The following SFMBT2 variants were observed in gnomAD, a reference collection of about 807,000 sequenced individuals.
SFMBT2 encodes the protein Scm like with four mbt domains 2, also known as scm-like with four MBT domains protein 2.
SFMBT2 carries 38 observed loss-of-function variants against 110.1 expected under a neutral mutation model. The ratio of observed to expected loss-of-function variants is 0.35; its 90% CI spans 0.27 to 0.45. SFMBT2 has a LOEUF of 0.45. Ranked by LOEUF, SFMBT2 falls within the 20% of genes least tolerant of loss-of-function variation. The pLI is 1.00. For missense variants in SFMBT2, 1,011 were observed against 1,094.9 expected (o/e 0.92, Z 1.08); for synonymous variants, 425 against 425.4 (o/e 1.00, Z 0.01).
chr10:7,170,868 G>A lies in SFMBT2; in HGVS notation c.2544+60C>T. ...ACGAGGAAGCCGGCTAGGACACGAG[G>A]TTCATTTCAGATGCAGAGTCTCAGC... On this transcript the variant is annotated intron_variant, in intron 20 of 20. Coordinates refer to ENST00000397167, the MANE Select transcript of SFMBT2 (RefSeq NM_001387889.1). The surrounding 1 kb of genome is among the most constrained non-coding windows in gnomAD (Gnocchi z 4.6). 1.2e-6 allele frequency: 2 copies of A among 1,607,620 alleles called. No individual in the cohort carries two copies. Among genetic ancestry groups the A allele is most frequent in the Non-Finnish European group, 1.7e-6 (2 of 1,175,052 alleles).
At chr10:7,166,844 G>T (rs992693232) in intron 20 of SFMBT2, among the ~76,000 whole-genome samples, 1 of 152,138 alleles carries the variant, frequency 6.6e-6, no homozygotes, top group Non-Finnish European at 1.5e-5. Context: ...AAATCATGAC[G>T]AGCCCAGAAA....
At chr10:7,373,489 C>G (rs1040978277) in intron 2 of SFMBT2, among the ~76,000 whole-genome samples, 1 of 152,306 alleles carries the variant, frequency 6.6e-6, no homozygotes, top group African/African-American at 2.4e-5. Context: ...TGTATACTCA[C>G]AGGGGCAATC....
At chr10:7,205,406 A>G (rs919201977) in intron 12 of SFMBT2, 171 of 985,188 alleles carry the variant, frequency 1.7e-4, no homozygotes, top group Non-Finnish European at 2.0e-4. Flanking sequence ...AAGTGTTTAT[A>G]AGAATGTCAG....
chr10:7,405,970 T>G lies in SFMBT2; in HGVS notation c.-52+4891A>C, dbSNP rs911540056. 1.3e-5 allele frequency among the ~76,000 whole-genome samples: 2 copies of G among 151,768 alleles called. 1 individual carries two copies. Among genetic ancestry groups the G allele is most frequent in the South Asian group, 4.2e-4 (2 of 4,798 alleles). On this transcript the variant is annotated intron_variant, in intron 1 of 20. Coordinates refer to ENST00000397167, the MANE Select transcript of SFMBT2 (RefSeq NM_001387889.1). ...AACTTTTTTTTTTTTTTAATTTGTA[T>G]GATGGGGGCAATAAGTTGCTGCTGA...
intron 4 of SFMBT2, among the ~76,000 whole-genome samples, chr10:7,287,823 C>CG (rs1264979761): frequency 6.6e-6 from 1 of 152,182 alleles, no homozygotes; most frequent in Non-Finnish European, 1.5e-5. Flanking sequence ...TGGGCCCCAA[C>CG]GGGGGATCCA....
At chr10:7,203,416 C>T (rs78696892) in intron 12 of SFMBT2, 2,824 of 199,498 alleles carry the variant, frequency 0.014, 87 homozygotes, top group African/African-American at 0.063. Context: ...TCTTTGTTAG[C>T]GGGGTGGGGA....
At chr10:7,378,020 G>C (rs1405041445) in intron 2 of SFMBT2, among the ~76,000 whole-genome samples, 1 of 151,318 alleles carries the variant, frequency 6.6e-6, no homozygotes, top group East Asian at 1.9e-4. Context: ...TATGTGAATG[G>C]GTGGGAGTGT....
At chr10:7,194,672 C>A (rs772442761) in intron 15 of SFMBT2, among the ~76,000 whole-genome samples, 1 of 152,198 alleles carries the variant, frequency 6.6e-6, no homozygotes, top group African/African-American at 2.4e-5. Flanking sequence ...AGCTTGGTGG[C>A]ACTTACATTT....
chr10:7,372,399 A>G (rs1845087164), intron 2 of SFMBT2, among the ~76,000 whole-genome samples: 1 of 152,224 alleles, frequency 6.6e-6, no homozygotes, highest in Non-Finnish European at 1.5e-5. Flanking sequence ...TTTTGCTTCA[A>G]TAAAGTGACT....
intron 4 of SFMBT2, among the ~76,000 whole-genome samples, chr10:7,298,483 C>G (rs1399616106): frequency 6.6e-6 from 1 of 152,160 alleles, no homozygotes; most frequent in Non-Finnish European, 1.5e-5. Context: ...CTCAGTCTGA[C>G]CAGTTATTGC....
intron 7 of SFMBT2, among the ~76,000 whole-genome samples, chr10:7,257,317 C>A (rs909756459): frequency 4.6e-5 from 7 of 152,126 alleles, no homozygotes; most frequent in African/African-American, 1.7e-4. Flanking sequence ...GCACTCACTA[C>A]CCACGGTCAC....
At chr10:7,335,750 T>C in intron 4 of SFMBT2, among the ~76,000 whole-genome samples, 1 of 152,184 alleles carries the variant, frequency 6.6e-6, no homozygotes, top group East Asian at 1.9e-4. Flanking sequence ...AATAACACTT[T>C]CTGTATCTCA....
chr10:7,278,102 C>T (rs1841839507), intron 6 of SFMBT2, among the ~76,000 whole-genome samples: 1 of 152,246 alleles, frequency 6.6e-6, no homozygotes, highest in Non-Finnish European at 1.5e-5. Context: ...CACACATCCT[C>T]TGCGTGTGTG....
At chr10:7,164,060 C>T (rs757284662) in intron 20 of SFMBT2, 150 bp from the exon 21 acceptor site, 65 of 1,375,198 alleles carry the variant, frequency 4.7e-5, no homozygotes, top group Admixed American at 3.6e-4. Flanking sequence ...GATACCAGCC[C>T]GGCTTGATGA....
chr10:7,206,802 A>G, intron 11 of SFMBT2: 12 of 924,766 alleles, frequency 1.3e-5, no homozygotes, highest in Non-Finnish European at 1.5e-5. Flanking sequence ...TCGACACCAA[A>G]TCAATAGTTA....
intron 1 of SFMBT2, among the ~76,000 whole-genome samples, chr10:7,401,391 C>A (rs1378637329): frequency 6.6e-6 from 1 of 152,186 alleles, no homozygotes; most frequent in East Asian, 1.9e-4. Flanking sequence ...CAGGATTCAA[C>A]CCACAGCTTC....
At chr10:7,391,264 G>C (rs1845756661) in intron 1 of SFMBT2, among the ~76,000 whole-genome samples, 3 of 151,910 alleles carry the variant, frequency 2.0e-5, no homozygotes, top group Non-Finnish European at 4.4e-5. Context: ...TCAGGAGTTT[G>C]AGACCAGCCT....
chr10:7,367,709 C>T lies in SFMBT2; in HGVS notation c.376G>A (p.Ala126Thr), dbSNP rs1461542427. Residue 126 changes from alanine (A) to threonine (T), a missense_variant, in exon 4 of 21, where the codon GCG (alanine) becomes ACG (threonine). Physicochemically the swap from Ala to Thr is moderately conservative, Grantham distance 58. This residue lies in a region of SFMBT2 where 979 missense variants were observed against 1,016.1 expected (regional missense o/e 0.96). Coordinates refer to ENST00000397167, the MANE Select transcript of SFMBT2 (RefSeq NM_001387889.1). The surrounding 1 kb of genome is among the most constrained non-coding windows in gnomAD (Gnocchi z 6.2). ...RADFWCDVVI[A>T]DLHPVGWCTQ... is the part of the protein sequence containing the mutation. ...CACCACCCCACGGGGTGCAAATCCG[C>T]GATGACTACGTCACACCAGAAGTCG... The T allele has an allele frequency of 6.8e-6, 11 of 1,613,958 alleles. No homozygotes were observed. The highest frequency in any genetic ancestry group is 2.2e-5 in the East Asian group (1 of 44,886).
At chr10:7,401,873 C>T (rs963825974) in intron 1 of SFMBT2, among the ~76,000 whole-genome samples, 2 of 152,212 alleles carry the variant, frequency 1.3e-5, no homozygotes, top group African/African-American at 4.8e-5. Context: ...CATTTCTCCA[C>T]GTGTTCCGCA....
Sources: gnomAD v4.1 joint callset for allele counts (sites outside exome capture counted in the v4.1 genomes callset) on GRCh38, gnomAD v4.1.1 for gene constraint, gnomAD v4.1.1 regional missense constraint, Gnocchi (gnomAD v3.1) non-coding constraint, MANE v1.5 for transcripts, NCBI Gene and HGNC (gene_info 2026-07-23, HGNC 2026-07-21) for gene names.